ECT2: variants seen among roughly 807,000 people sequenced by gnomAD.
ECT2 encodes protein ECT2.
In ECT2, 61 loss-of-function variants were observed where a neutral mutation model predicts 116.9. That is an observed-to-expected ratio of 0.52 (90% CI 0.42 to 0.65). The LOEUF is 0.65. ECT2 is among the 30% of genes least tolerant of loss of function. The probability of loss-of-function intolerance (pLI) is 0.00; values close to 1 mark genes in which losing one functional copy is unlikely to be tolerated. For synonymous variants in ECT2, 358 were observed against 346.4 expected (o/e 1.03, Z -0.37); for missense variants, 937 against 1,078.7 (o/e 0.87, Z 1.84).
chr3:172,791,002 A>G (rs1724558427), intron 18 of ECT2, among the ~76,000 whole-genome samples: 1 of 152,236 alleles, frequency 6.6e-6, no homozygotes, highest in South Asian at 2.1e-4. Flanking sequence ...TAAAAGTACA[A>G]AAATTAGCTG....
intron 18 of ECT2, among the ~76,000 whole-genome samples, chr3:172,795,323 CAAAAA>C (rs35674521): frequency 3.8e-5 from 4 of 104,434 alleles, no homozygotes; most frequent in Non-Finnish European, 5.9e-5. Flanking sequence ...GAGACGCTAT[CAAAAA>C]AAAAAAAAAA....
intron 21 of ECT2, 34 bp from the exon 22 acceptor site, chr3:172,807,736 A>T (rs767018489): frequency 1.3e-5 from 20 of 1,577,776 alleles, no homozygotes; most frequent in Non-Finnish European, 1.6e-5. Context: ...CCAAGGAGTG[A>T]CACTTAATGT....
chr3:172,793,794 A>G (rs1576977484), intron 18 of ECT2, among the ~76,000 whole-genome samples: 1 of 152,132 alleles, frequency 6.6e-6, no homozygotes, highest in South Asian at 2.1e-4. Context: ...TGACATTCTA[A>G]TAGATGTTTG....
chr3:172,763,288 C>A (rs2108332138), intron 11 of ECT2, among the ~76,000 whole-genome samples: 1 of 152,214 alleles, frequency 6.6e-6, no homozygotes, highest in Admixed American at 6.5e-5. Context: ...ATGATGTGTG[C>A]CACAACTGAG....
downstream of ECT2, among the ~76,000 whole-genome samples, chr3:172,825,513 C>T (rs189354824): frequency 3.3e-5 from 5 of 152,184 alleles, no homozygotes; most frequent in African/African-American, 7.2e-5. Flanking sequence ...TTCCATTGAA[C>T]ATGTGAATGA....
At chr3:172,767,894 G>A (rs1452832954) in intron 12 of ECT2, among the ~76,000 whole-genome samples, 1 of 151,994 alleles carries the variant, frequency 6.6e-6, no homozygotes, top group Admixed American at 6.6e-5. Context: ...ACCACGCCTA[G>A]CTAATTTTTG....
chr3:172,786,008 C>G (rs1334174528), intron 17 of ECT2, among the ~76,000 whole-genome samples: 4 of 152,010 alleles, frequency 2.6e-5, no homozygotes, highest in Non-Finnish European at 4.4e-5. Flanking sequence ...TAAGAATATG[C>G]CAAGGATGGC....
intron 18 of ECT2, among the ~76,000 whole-genome samples, chr3:172,787,616 G>C (rs1490477395): frequency 6.6e-6 from 1 of 152,066 alleles, no homozygotes; most frequent in Admixed American, 6.6e-5. Flanking sequence ...CTAGGACCAG[G>C]ATAACGGTAT....
At chr3:172,758,323 A>G (rs977369623) in intron 5 of ECT2, among the ~76,000 whole-genome samples, 3 of 152,318 alleles carry the variant, frequency 2.0e-5, no homozygotes, top group East Asian at 1.9e-4. Context: ...AGCACATGTT[A>G]ACCTTTAATT....
At chr3:172,818,749 T>G (rs1334084261) in intron 24 of ECT2, 1 of 1,286,910 alleles carries the variant, frequency 7.8e-7, no homozygotes, top group South Asian at 1.2e-5. Flanking sequence ...CAAGTCATCT[T>G]TGACATTTGT....
rs775223612 is a variant in ECT2 at position 172,805,901 on chromosome 3, A to G, written c.2245+32A>G. The G allele has an allele frequency of 5.0e-6, 8 of 1,599,624 alleles. No individual in the cohort carries two copies. In the South Asian group the frequency reaches 6.8e-5, roughly 14 times the overall value. On this transcript the variant is annotated intron_variant, in intron 21 of 24. Transcript: ENST00000392692. ...CGGTCGGATACATTCTTGGTTATAT[A>G]AAAATAGTTTATATTCATTGTAGGT...
downstream of ECT2, among the ~76,000 whole-genome samples, chr3:172,821,975 G>A (rs1238648113): frequency 2.0e-5 from 3 of 151,838 alleles, no homozygotes; most frequent in African/African-American, 7.2e-5. Flanking sequence ...GATGAAGACA[G>A]TTTGCATGTA....
At chr3:172,800,959 C>CA (rs1367585891) in intron 18 of ECT2, among the ~76,000 whole-genome samples, 8 of 152,038 alleles carry the variant, frequency 5.3e-5, no homozygotes, top group Non-Finnish European at 1.0e-4. Context: ...ATGAGGCTAA[C>CA]AAAAAATGAT....
At chr3:172,816,050 G>A (rs1729657380) in intron 23 of ECT2, among the ~76,000 whole-genome samples, 1 of 152,084 alleles carries the variant, frequency 6.6e-6, no homozygotes, top group Non-Finnish European at 1.5e-5. Flanking sequence ...GTAGTCAGGG[G>A]ACCTGACTAT....
chr3:172,804,265 A>G (rs1239965424), intron 20 of ECT2, among the ~76,000 whole-genome samples: 1 of 152,206 alleles, frequency 6.6e-6, no homozygotes, highest in African/African-American at 2.4e-5. Context: ...CAGGTATAAT[A>G]AAATCTCACC....
At chr3:172,780,533 T>G (rs1211011465) in intron 14 of ECT2, among the ~76,000 whole-genome samples, 1 of 152,164 alleles carries the variant, frequency 6.6e-6, no homozygotes, top group Non-Finnish European at 1.5e-5. Flanking sequence ...GGTTTTCCCA[T>G]TATTTTAAAG....
intron 21 of ECT2, among the ~76,000 whole-genome samples, chr3:172,806,971 CA>C (rs1164866446): frequency 1.3e-5 from 2 of 152,070 alleles, no homozygotes; most frequent in African/African-American, 4.8e-5. Flanking sequence ...AAAACTTGAA[CA>C]GCAACTTCCT....
At chr3:172,819,733 A>T (rs1730419523) in intron 24 of ECT2, among the ~76,000 whole-genome samples, 1 of 152,084 alleles carries the variant, frequency 6.6e-6, no homozygotes, top group Non-Finnish European at 1.5e-5. Context: ...ATTTTAGAAA[A>T]TTATTTCCCA....
intron 20 of ECT2, among the ~76,000 whole-genome samples, chr3:172,803,737 G>A (rs1727142733): frequency 6.6e-6 from 1 of 151,896 alleles, no homozygotes; most frequent in African/African-American, 2.4e-5. Flanking sequence ...AATGATTAAG[G>A]AGTTTCCTTT....
Sources: allele counts gnomAD v4.1 joint callset (sites outside exome capture counted in the v4.1 genomes callset), GRCh38; gene constraint gnomAD v4.1.1; transcripts MANE v1.5; gene names NCBI Gene and HGNC (gene_info 2026-07-23, HGNC 2026-07-21).